Variants in CBFA2T2 observed in about 807,000 individuals in gnomAD.
CBFA2T2 encodes CBFA2/RUNX1 partner transcriptional co-repressor 2, also known as protein CBFA2T2.
In CBFA2T2, 11 loss-of-function variants were observed where a neutral mutation model predicts 62.2. That is an observed-to-expected ratio of 0.18 (90% CI 0.11 to 0.29). CBFA2T2 has a LOEUF of 0.29. CBFA2T2 is among the 10% of genes least tolerant of loss of function. CBFA2T2 has a pLI of 1.00. For synonymous variants in CBFA2T2, 295 were observed against 287.5 expected (o/e 1.03, Z -0.27); for missense variants, 592 against 774.1 (o/e 0.76, Z 2.79).
intron 1 of CBFA2T2, among the ~76,000 whole-genome samples, chr20:33,569,548 A>G (rs1007143903): frequency 1.3e-5 from 2 of 152,192 alleles, no homozygotes; most frequent in African/African-American, 2.4e-5. Context: ...GGACAATCCA[A>G]AGTTGTTATT....
rs986025903 is a variant in CBFA2T2 at position 33,648,219 on chromosome 20, C to T, written c.*3573C>T. The T allele has an allele frequency of 1.3e-5, 2 of 152,236 alleles. No homozygotes were observed. Among genetic ancestry groups the T allele is most frequent in the Non-Finnish European group, 2.9e-5 (2 of 68,084 alleles). The allele number at this position is 152,236 out of a possible 1,614,324, so 9.4% of individuals were successfully genotyped here. A position where few individuals can be genotyped will look rare whatever the true frequency, so the allele number is the denominator to read the frequency against. On this transcript the variant is annotated 3_prime_UTR_variant, in exon 11 of 11. Transcript: ENST00000342704. ...AGAAGGTATCAGTCAAGCGCAGGCT[C>T]TTCAGAAACCTAGAAACTAAAAAGA... is the stretch of plus-strand genomic sequence containing the variant.
At chr20:33,615,945 G>GT (rs2015688986) in intron 3 of CBFA2T2, among the ~76,000 whole-genome samples, 7 of 152,132 alleles carry the variant, frequency 4.6e-5, no homozygotes. Context: ...GCATAGTGGA[G>GT]TATGCCTATA....
intron 1 of CBFA2T2, among the ~76,000 whole-genome samples, chr20:33,583,930 A>G (rs149995419): frequency 0.036 from 5,367 of 149,144 alleles, 133 homozygotes; most frequent in African/African-American, 0.06. Flanking sequence ...TTATTTATTT[A>G]TTTGTTTGTT....
At chr20:33,607,406 C>A (rs2015380718) in intron 2 of CBFA2T2, among the ~76,000 whole-genome samples, 1 of 151,958 alleles carries the variant, frequency 6.6e-6, no homozygotes, top group African/African-American at 2.4e-5. Flanking sequence ...TTATGGGATT[C>A]CAAGTAAGTT....
At chr20:33,544,508 A>G (rs2012482191) in intron 1 of CBFA2T2, among the ~76,000 whole-genome samples, 1 of 152,164 alleles carries the variant, frequency 6.6e-6, no homozygotes, top group African/African-American at 2.4e-5. Flanking sequence ...CAGAGAAGAC[A>G]GGGAATCTTG....
At chr20:33,498,573 C>G (rs1395373751) in intron 1 of CBFA2T2, among the ~76,000 whole-genome samples, 1 of 151,684 alleles carries the variant, frequency 6.6e-6, no homozygotes, top group African/African-American at 2.4e-5. Flanking sequence ...TTCTTATATA[C>G]AGAATCAAAA....
At chr20:33,637,964 G>A (rs1373874424) in intron 9 of CBFA2T2, among the ~76,000 whole-genome samples, 1 of 126,472 alleles carries the variant, frequency 7.9e-6, no homozygotes, top group Non-Finnish European at 1.6e-5. Context: ...ACTGCACCCG[G>A]CCTTTTTTTT....
intron 2 of CBFA2T2, among the ~76,000 whole-genome samples, chr20:33,609,277 G>A (rs2015441340): frequency 6.6e-6 from 1 of 152,186 alleles, no homozygotes; most frequent in Non-Finnish European, 1.5e-5. Context: ...GAGGAGGACA[G>A]ATCACTTGAG....
intron 1 of CBFA2T2, among the ~76,000 whole-genome samples, chr20:33,540,517 C>A (rs1442711926): frequency 6.6e-6 from 1 of 152,144 alleles, no homozygotes; most frequent in African/African-American, 2.4e-5. Context: ...ACTGAAACTT[C>A]AGCTAAAAAT....
chr20:33,611,107 C>T lies in CBFA2T2; in HGVS notation c.192C>T (p.Ile64=). ...SFTPTALSNG[I]NHSPPTLNGA... ...GCTTTCTTTTAGTAAGCAATGGCAT[C>T]AACCATTCTCCTCCTACCCTGAATG... Residue 64 remains isoleucine (I), a synonymous_variant, in exon 3 of 11, where the codon ATC becomes ATT. Coordinates refer to ENST00000342704, the MANE Select transcript of CBFA2T2 (RefSeq NM_001032999.3). The T allele has an allele frequency of 2.5e-6, 4 of 1,614,162 alleles. No homozygotes were observed. Among genetic ancestry groups the T allele is most frequent in the Middle Eastern group, 3.3e-4 (2 of 6,062 alleles).
chr20:33,574,693 T>A (rs1374713879), intron 1 of CBFA2T2, among the ~76,000 whole-genome samples: 8 of 152,228 alleles, frequency 5.3e-5, no homozygotes, highest in Non-Finnish European at 1.0e-4. Context: ...CTGACTTCAT[T>A]GGCATTTTGA....
At chr20:33,517,650 G>T (rs754975546) in intron 1 of CBFA2T2, among the ~76,000 whole-genome samples, 1 of 150,004 alleles carries the variant, frequency 6.7e-6, no homozygotes, top group Non-Finnish European at 1.5e-5. Context: ...GTTTGGTTTG[G>T]TTAGTAGAGC....
At chr20:33,623,884 G>A (rs1404957192) in intron 5 of CBFA2T2, 18 of 716,582 alleles carry the variant, frequency 2.5e-5, no homozygotes, top group Non-Finnish European at 4.2e-5. Flanking sequence ...AGAATTTATG[G>A]GTCGACTGTT....
At chr20:33,516,168 A>G (rs1441313328) in intron 1 of CBFA2T2, among the ~76,000 whole-genome samples, 1 of 151,912 alleles carries the variant, frequency 6.6e-6, no homozygotes, top group Non-Finnish European at 1.5e-5. Context: ...AATGAACAAT[A>G]ATTTAAAAAC....
chr20:33,624,615 C>A, intron 5 of CBFA2T2, 149 bp from the exon 6 acceptor site: 1 of 819,584 alleles, frequency 1.2e-6, no homozygotes, highest in Non-Finnish European at 2.0e-6. Context: ...GAAGACAATT[C>A]AGCTCATGCC....
chr20:33,642,117 TG>T (rs1458431977), intron 10 of CBFA2T2, among the ~76,000 whole-genome samples: 1,120 of 20,530 alleles, frequency 0.055, 15 homozygotes, highest in East Asian at 0.19. Context: ...TTTTTTTTTT[TG>T]TGTGTGTGTG....
chr20:33,572,834 AT>A (rs2013629655), intron 1 of CBFA2T2, among the ~76,000 whole-genome samples: 1 of 152,222 alleles, frequency 6.6e-6, no homozygotes, highest in African/African-American at 2.4e-5. Flanking sequence ...ATGTGATCTG[AT>A]TTATATTGTA....
chr20:33,594,441 C>T (rs754809620), intron 1 of CBFA2T2, among the ~76,000 whole-genome samples: 15 of 152,066 alleles, frequency 9.9e-5, no homozygotes, highest in Non-Finnish European at 1.8e-4. Flanking sequence ...GGAATGGTCT[C>T]GATCTCTTGA....
chr20:33,606,881 T>G, intron 1 of CBFA2T2, 75 bp from the exon 2 acceptor site: 1 of 1,434,128 alleles, frequency 7.0e-7, no homozygotes, highest in South Asian at 1.2e-5. Context: ...GGGAAGTATG[T>G]TGGTATTTCA....
Sources: allele counts gnomAD v4.1 joint callset (sites outside exome capture counted in the v4.1 genomes callset), GRCh38; gene constraint gnomAD v4.1.1; transcripts MANE v1.5; gene names NCBI Gene and HGNC (gene_info 2026-07-23, HGNC 2026-07-21).